The following TRIM44 variants were observed in gnomAD, a reference collection of about 807,000 sequenced individuals.
TRIM44 encodes the protein tripartite motif containing 44.
TRIM44 carries 13 observed loss-of-function variants against 37.4 expected under a neutral mutation model. The ratio of observed to expected loss-of-function variants is 0.35; its 90% CI spans 0.23 to 0.55. TRIM44 has a LOEUF of 0.55. TRIM44 is among the 20% of genes least tolerant of loss of function. TRIM44 has a pLI of 0.89. For missense variants in TRIM44, 426 were observed against 437.2 expected (o/e 0.97, Z 0.23); for synonymous variants, 175 against 157.2 (o/e 1.11, Z -0.85).
At chr11:35,670,200 C>A (rs1453598939) in intron 1 of TRIM44, among the ~76,000 whole-genome samples, 2 of 152,234 alleles carry the variant, frequency 1.3e-5, no homozygotes, top group African/African-American at 4.8e-5. Flanking sequence ...ACCTCACTTT[C>A]TACTAACCAA....
At chr11:35,664,984 T>C (rs1397847828) in intron 1 of TRIM44, among the ~76,000 whole-genome samples, 2 of 152,260 alleles carry the variant, frequency 1.3e-5, no homozygotes, top group Non-Finnish European at 2.9e-5. Context: ...CATATTTTTA[T>C]CATGCATTCT....
intron 4 of TRIM44, among the ~76,000 whole-genome samples, chr11:35,777,989 T>A (rs1315280870): frequency 6.6e-6 from 1 of 152,194 alleles, no homozygotes; most frequent in Non-Finnish European, 1.5e-5. Flanking sequence ...TTTCCTGAGT[T>A]TGAATGTTGG....
Position 35,705,762 on chromosome 11 carries a change from A to C in TRIM44, c.748-20162A>C, listed in dbSNP as rs1245649346. Among the ~76,000 whole-genome samples the C allele has an allele frequency of 2.7e-5, 4 of 147,770 alleles. 1 individual carries two copies. The highest frequency in any genetic ancestry group is 6.1e-5 in the Non-Finnish European group (4 of 65,650). On this transcript the variant is annotated intron_variant, in intron 2 of 4. Coordinates refer to ENST00000299413, the MANE Select transcript of TRIM44 (RefSeq NM_017583.6). Reference sequence around the variant, plus strand: ...AGAATCTCTGGGACACATTCAAAGCAGTGTGTAGAGGGAAATTTATAGCAC... The same window carrying C: ...AGAATCTCTGGGACACATTCAAAGCCGTGTGTAGAGGGAAATTTATAGCAC...
At chr11:35,778,370 A>G (rs1471974829) in intron 4 of TRIM44, among the ~76,000 whole-genome samples, 2 of 151,910 alleles carry the variant, frequency 1.3e-5, no homozygotes, top group African/African-American at 4.8e-5. Context: ...CCTTGTTTCA[A>G]GGTTTTTAGC....
chr11:35,745,184 C>T (rs1056741184), intron 4 of TRIM44, among the ~76,000 whole-genome samples: 1 of 152,194 alleles, frequency 6.6e-6, no homozygotes, highest in Non-Finnish European at 1.5e-5. Flanking sequence ...TACACTCCCA[C>T]CAACAGGTTT....
chr11:35,705,578 C>T (rs181187316), intron 2 of TRIM44, among the ~76,000 whole-genome samples: 5 of 151,950 alleles, frequency 3.3e-5, no homozygotes. Context: ...GACCACAGTG[C>T]AATCAAACTA....
Position 35,809,947 on chromosome 11 carries a change from T to C in TRIM44, c.*3562T>C, listed in dbSNP as rs554934703. 5 of 152,292 alleles carry C rather than the reference T, an allele frequency of 3.3e-5. No homozygotes were observed. The highest frequency in any genetic ancestry group is 1.2e-4 in the African/African-American group (5 of 41,560). 9.4% of individuals were successfully genotyped at this position (152,292 alleles called of 1,614,324 possible). On this transcript the variant is annotated 3_prime_UTR_variant, in exon 5 of 5. Coordinates refer to ENST00000299413, the MANE Select transcript of TRIM44 (RefSeq NM_017583.6). ...AAAGCAGCCCCTTCATTATCTTGCG[T>C]ACTACTTCAAAGATTTCTGTCAGCC...
intron 4 of TRIM44, among the ~76,000 whole-genome samples, chr11:35,772,948 A>G (rs1275988947): frequency 6.6e-6 from 1 of 152,090 alleles, no homozygotes; most frequent in Non-Finnish European, 1.5e-5. Context: ...TCCCCATGCA[A>G]ATCTCATCTT....
intron 4 of TRIM44, among the ~76,000 whole-genome samples, chr11:35,758,535 T>C (rs1255341625): frequency 6.6e-6 from 1 of 152,210 alleles, no homozygotes; most frequent in Non-Finnish European, 1.5e-5. Context: ...AATTTGATCC[T>C]GTCTTTATGA....
intron 4 of TRIM44, among the ~76,000 whole-genome samples, chr11:35,751,303 A>T (rs1332750848): frequency 6.6e-6 from 1 of 152,264 alleles, no homozygotes; most frequent in Non-Finnish European, 1.5e-5. Flanking sequence ...AGAACCAAGA[A>T]AACATTTTAC....
Position 35,663,156 on chromosome 11 carries a change from C to T in TRIM44, c.45C>T (p.Asp15=). ...CGGCCTTCGAGGAACTGCCTCACGA[C>T]GGCACGTGTGACGAGTGCGAGCCCG... The part of the protein sequence containing the change: ...VGAAFEELPH[D]GTCDECEPDE... The change falls in exon 1 of 5, where the codon GAC becomes GAT. Residue 15 remains aspartate (D), a synonymous_variant. Transcript: ENST00000299413. 6.4e-7 allele frequency: 1 copy of T among 1,553,020 alleles called. No homozygotes were observed.
In TRIM44 at chr11:35,811,417, T is replaced by A. The variant is rs1380751996; in HGVS notation, c.*5032T>A. 6.6e-6 allele frequency: 1 copy of A among 151,320 alleles called. No individual in the cohort carries two copies. The allele number at this position is 151,320 out of a possible 1,614,324, so 9.4% of individuals were successfully genotyped here. On this transcript the variant is annotated 3_prime_UTR_variant, in exon 5 of 5. Coordinates refer to ENST00000299413, the MANE Select transcript of TRIM44 (RefSeq NM_017583.6). ...AACTAGAAGGAAGGTAAAATTGTAA[T>A]TTTTGCCATATTTTCTAGAAAAAAA...
intron 2 of TRIM44, among the ~76,000 whole-genome samples, chr11:35,710,252 TAG>T (rs1006266846): frequency 6.6e-6 from 1 of 152,094 alleles, no homozygotes; most frequent in African/African-American, 2.4e-5. Flanking sequence ...TATATATATA[TAG>T]AGAGAGAGCT....
chr11:35,678,482 G>A lies in TRIM44; in HGVS notation c.670-6777G>A, dbSNP rs140649586. On this transcript the variant is annotated intron_variant, in intron 1 of 4. Transcript: ENST00000299413. ...TAGAAAATGAAGTAATATAAAGGAG[G>A]TGGTAAAAATTTTCGTACATGGGAT... is the stretch of plus-strand genomic sequence containing the variant. Among the ~76,000 whole-genome samples the A allele has an allele frequency of 1.9e-3, 282 of 152,216 alleles. 2 individuals are homozygous for A. Among genetic ancestry groups the A allele is most frequent in the African/African-American group, 6.5e-3 (271 of 41,544 alleles).
At chr11:35,745,017 G>A (rs1189667514) in intron 4 of TRIM44, among the ~76,000 whole-genome samples, 1 of 152,102 alleles carries the variant, frequency 6.6e-6, no homozygotes, top group Non-Finnish European at 1.5e-5. Context: ...TGTGAATATT[G>A]CTGCAATGAA....
At chr11:35,714,443 CTCTA>C (rs1488235622) in intron 2 of TRIM44, among the ~76,000 whole-genome samples, 1 of 152,168 alleles carries the variant, frequency 6.6e-6, no homozygotes, top group African/African-American at 2.4e-5. Flanking sequence ...CCTTTCTCTA[CTCTA>C]TCAAAGTCCA....
chr11:35,760,588 A>C (rs887625199), intron 4 of TRIM44, among the ~76,000 whole-genome samples: 11 of 152,116 alleles, frequency 7.2e-5, no homozygotes, highest in Non-Finnish European at 1.0e-4. Context: ...TGCGTCACTC[A>C]TGCTGGGAGC....
chr11:35,753,999 G>A (rs1852590816), intron 4 of TRIM44, among the ~76,000 whole-genome samples: 1 of 151,712 alleles, frequency 6.6e-6, no homozygotes, highest in Admixed American at 6.6e-5. Flanking sequence ...AGCTGAGACT[G>A]CACCACTGCA....
intron 1 of TRIM44, among the ~76,000 whole-genome samples, chr11:35,671,538 T>G (rs189947701): frequency 2.6e-4 from 40 of 152,356 alleles, no homozygotes; most frequent in Non-Finnish European, 2.8e-4. Context: ...ATTTATGTTT[T>G]GATACCTCAG....
Sources: allele counts gnomAD v4.1 joint callset (sites outside exome capture counted in the v4.1 genomes callset), GRCh38; gene constraint gnomAD v4.1.1; transcripts MANE v1.5; gene names NCBI Gene and HGNC (gene_info 2026-07-23, HGNC 2026-07-21).